Variants in CEP128 observed in about 807,000 individuals in gnomAD.
CEP128 encodes centrosomal protein 128.
Under a neutral mutation model 156.7 loss-of-function variants are expected in CEP128, and 132 were observed. That is an observed-to-expected ratio of 0.84 (90% CI 0.73 to 0.97). The LOEUF (loss-of-function observed/expected upper bound fraction) is 0.97. Ranked by LOEUF, CEP128 falls within the 50% of genes least tolerant of loss-of-function variation. The pLI, the probability that CEP128 is intolerant of heterozygous loss-of-function variation, is 0.00. For missense variants in CEP128, 1,252 were observed against 1,281.9 expected (o/e 0.98, Z 0.36); for synonymous variants, 469 against 448.9 (o/e 1.04, Z -0.57).
chr14:80,517,167 T>C (rs902240846), intron 23 of CEP128, among the ~76,000 whole-genome samples: 6 of 152,182 alleles, frequency 3.9e-5, no homozygotes, highest in Middle Eastern at 3.4e-3. Context: ...AGGTTTTTAA[T>C]TCTTATTGGT....
intron 19 of CEP128, among the ~76,000 whole-genome samples, chr14:80,684,372 C>G (rs1038695689): frequency 6.6e-6 from 1 of 151,862 alleles, no homozygotes; most frequent in Non-Finnish European, 1.5e-5. Flanking sequence ...CTTGAAAATA[C>G]AAAATCTCCC....
intron 19 of CEP128, among the ~76,000 whole-genome samples, chr14:80,586,714 G>A (rs996342113): frequency 1.1e-4 from 16 of 152,086 alleles, no homozygotes; most frequent in Admixed American, 9.8e-4. Flanking sequence ...TGGCTATGAT[G>A]GAAAGCAAAT....
intron 23 of CEP128, 139 bp downstream of exon 23, chr14:80,526,730 G>T: frequency 2.0e-6 from 1 of 509,908 alleles, no homozygotes; most frequent in African/African-American, 1.9e-5. Context: ...CCACAGAATT[G>T]AAAGTCTATT....
At chr14:80,652,952 A>T (rs1050553899) in intron 19 of CEP128, among the ~76,000 whole-genome samples, 1 of 152,214 alleles carries the variant, frequency 6.6e-6, no homozygotes, top group Non-Finnish European at 1.5e-5. Context: ...ATGCCCATTA[A>T]TGATAGACTG....
chr14:80,489,867 T>C (rs527414981), downstream of CEP128, among the ~76,000 whole-genome samples: 1 of 150,728 alleles, frequency 6.6e-6, no homozygotes, highest in Non-Finnish European at 1.5e-5. Flanking sequence ...TCAGTATGTA[T>C]TTCTTTGTAT....
chr14:80,563,778 G>T (rs1448185533), intron 20 of CEP128, among the ~76,000 whole-genome samples: 1 of 151,766 alleles, frequency 6.6e-6, no homozygotes, highest in Non-Finnish European at 1.5e-5. Flanking sequence ...CTCGTGATCC[G>T]CCTGCCTCGG....
intron 19 of CEP128, among the ~76,000 whole-genome samples, chr14:80,707,480 C>T (rs962182467): frequency 6.6e-6 from 1 of 152,174 alleles, no homozygotes; most frequent in African/African-American, 2.4e-5. Flanking sequence ...CCAACCAATT[C>T]TCCAAGGAGT....
intron 21 of CEP128, among the ~76,000 whole-genome samples, chr14:80,539,809 A>T (rs1889659650): frequency 6.6e-6 from 1 of 152,116 alleles, no homozygotes; most frequent in Admixed American, 6.5e-5. Flanking sequence ...ATTAATATTA[A>T]TACCTCGGGG....
chr14:80,628,255 C>A (rs1425904809), intron 19 of CEP128, among the ~76,000 whole-genome samples: 1 of 152,096 alleles, frequency 6.6e-6, no homozygotes, highest in African/African-American at 2.4e-5. Flanking sequence ...GACAAAAAGT[C>A]TTTCCTTTCC....
chr14:80,734,472 A>G (rs1057398100), intron 19 of CEP128, among the ~76,000 whole-genome samples: 4 of 152,072 alleles, frequency 2.6e-5, no homozygotes, highest in Non-Finnish European at 5.9e-5. Context: ...CTACCTAGGA[A>G]TTAAATAAAA....
chr14:80,729,056 G>GTGTGTGTGTGT (rs1898133887), intron 19 of CEP128, among the ~76,000 whole-genome samples: 3 of 88,180 alleles, frequency 3.4e-5, no homozygotes, highest in African/African-American at 8.3e-5. Context: ...TGGGCTGGTG[G>GTGTGTGTGTGT]GGGTGTGTGT....
intron 19 of CEP128, among the ~76,000 whole-genome samples, chr14:80,662,607 TAA>T (rs1269209257): frequency 5.3e-5 from 8 of 152,070 alleles, no homozygotes; most frequent in African/African-American, 1.9e-4. Flanking sequence ...AAATGGAAAA[TAA>T]AGAGTTGTCT....
chr14:80,607,289 A>G (rs1892822171), intron 19 of CEP128, among the ~76,000 whole-genome samples: 1 of 152,154 alleles, frequency 6.6e-6, no homozygotes, highest in Non-Finnish European at 1.5e-5. Context: ...CATAATAAAT[A>G]TGACCAATTA....
In CEP128 at chr14:80,555,073, T is replaced by A. The variant is rs539930880; in HGVS notation, c.2880+4206A>T. Among the ~76,000 whole-genome samples the A allele has an allele frequency of 2.3e-4, 35 of 152,194 alleles. 1 individual carries two copies. In the South Asian group the frequency reaches 5.4e-3, roughly 23 times the overall value. ...CATATAAAACCCTGATATAAAAAAATCAAGTCTAAACTGCTTGGTTTGTAT... is the reference window on the plus strand; with the variant it reads ...CATATAAAACCCTGATATAAAAAAAACAAGTCTAAACTGCTTGGTTTGTAT... On this transcript the variant is annotated intron_variant, in intron 21 of 24. Transcript: ENST00000555265.
At chr14:80,930,570 T>C (rs1015045209) in intron 2 of CEP128, among the ~76,000 whole-genome samples, 4 of 152,164 alleles carry the variant, frequency 2.6e-5, no homozygotes, top group Non-Finnish European at 5.9e-5. Context: ...GAGTCCTCCT[T>C]AAATTAAGAG....
chr14:80,573,646 A>G (rs944456306), intron 20 of CEP128, among the ~76,000 whole-genome samples: 6 of 152,154 alleles, frequency 3.9e-5, no homozygotes, highest in African/African-American at 1.4e-4. Flanking sequence ...CTTTTTACTG[A>G]GAGTGGGTCC....
Position 80,624,651 on chromosome 14 carries a change from G to A in CEP128, c.2807-44228C>T, listed in dbSNP as rs1244529783. Among the ~76,000 whole-genome samples, 4 of 152,190 alleles carry A rather than the reference G, an allele frequency of 2.6e-5. No homozygotes were observed. In the East Asian group the frequency reaches 5.8e-4, roughly 22 times the overall value. ...GGATGAGATATTTCACTGTGGTTTT[G>A]ATTTGCATTTCTCTGATGATTGGTG... is the stretch of plus-strand genomic sequence containing the variant. On this transcript the variant is annotated intron_variant, in intron 19 of 24. Coordinates refer to ENST00000555265, the MANE Select transcript of CEP128 (RefSeq NM_152446.5).
chr14:80,773,419 T>C (rs1456667571), intron 16 of CEP128, among the ~76,000 whole-genome samples: 2 of 152,106 alleles, frequency 1.3e-5, no homozygotes. Flanking sequence ...ATATGCAGTA[T>C]ATAAAAAATA....
intron 18 of CEP128, among the ~76,000 whole-genome samples, chr14:80,747,069 A>G (rs1475997053): frequency 1.3e-5 from 2 of 152,230 alleles, no homozygotes; most frequent in African/African-American, 4.8e-5. Flanking sequence ...AAAATCAAAA[A>G]GACAGATAAT....
Sources: gnomAD v4.1 joint callset for allele counts (sites outside exome capture counted in the v4.1 genomes callset) on GRCh38, gnomAD v4.1.1 for gene constraint, MANE v1.5 for transcripts, NCBI Gene and HGNC (gene_info 2026-07-23, HGNC 2026-07-21) for gene names.